Variants in DOCK7 observed in about 807,000 individuals in gnomAD.
DOCK7 encodes dedicator of cytokinesis 7, also known as dedicator of cytokinesis protein 7.
In DOCK7, 138 loss-of-function variants were observed where a neutral mutation model predicts 271.0. The ratio of observed to expected loss-of-function variants is 0.51; its 90% CI spans 0.44 to 0.59. DOCK7 has a LOEUF of 0.59. Ranked by LOEUF, DOCK7 falls within the 20% of genes least tolerant of loss-of-function variation. DOCK7 has a pLI of 0.00. For synonymous variants in DOCK7, 823 were observed against 876.1 expected (o/e 0.94, Z 1.07); for missense variants, 2,066 against 2,592.4 (o/e 0.80, Z 4.41).
intron 1 of DOCK7, among the ~76,000 whole-genome samples, chr1:62,672,373 T>C (rs1259777527): frequency 2.0e-5 from 3 of 152,160 alleles, no homozygotes; most frequent in Non-Finnish European, 2.9e-5. Flanking sequence ...GTGTTACTTT[T>C]GTTATACCTC....
At chr1:62,465,695 G>A (rs967509432) in intron 48 of DOCK7, among the ~76,000 whole-genome samples, 3 of 152,072 alleles carry the variant, frequency 2.0e-5, no homozygotes. Flanking sequence ...GGGATTACAT[G>A]TGTGTGCCAC....
chr1:62,597,391 T>C (rs1649412944), intron 14 of DOCK7: 4 of 620,048 alleles, frequency 6.5e-6, no homozygotes, highest in Admixed American at 3.1e-5. Context: ...TTGATCTAAC[T>C]CAATGTGGAA....
At chr1:62,504,987 G>C (rs1463856823) in intron 36 of DOCK7, among the ~76,000 whole-genome samples, 1 of 152,064 alleles carries the variant, frequency 6.6e-6, no homozygotes, top group Non-Finnish European at 1.5e-5. Context: ...ACTAGTAGTG[G>C]GACCTTGGAC....
At chr1:62,584,599 G>T (rs1647282323) in intron 15 of DOCK7, 9 of 1,251,440 alleles carry the variant, frequency 7.2e-6, no homozygotes, top group Non-Finnish European at 9.0e-6. Flanking sequence ...ATGACATAAA[G>T]CAGACAGTGT....
At chr1:62,663,496 C>T (rs1658922760) in intron 1 of DOCK7, among the ~76,000 whole-genome samples, 1 of 151,908 alleles carries the variant, frequency 6.6e-6, no homozygotes, top group Admixed American at 6.6e-5. Context: ...AAAGTATACA[C>T]TTAAAATGTA....
intron 43 of DOCK7, chr1:62,485,212 A>C (rs1009355766): frequency 1.2e-5 from 12 of 985,310 alleles, no homozygotes; most frequent in African/African-American, 1.7e-5. Flanking sequence ...AATAAAAGTG[A>C]ACACTAAACA....
At position 62,634,821 on chromosome 1, in the gene DOCK7, T is replaced by C. The variant is rs1444629940; in HGVS notation, c.987A>G (p.Ala329=). ...GGGAAGGATAAGTGATAGAAAAAAT[T>C]GCTGATCTTGCCAGGGTAGTAATGG... The part of the protein sequence containing the change: ...PAAITTLARS[A]IFSITYPSQD... The change falls in exon 9 of 50, where the codon GCA becomes GCG. Residue 329 remains alanine, a synonymous_variant. Coordinates refer to ENST00000635253, the MANE Select transcript of DOCK7 (RefSeq NM_001367561.1). The C allele has an allele frequency of 6.2e-7, 1 of 1,613,362 alleles. No individual in the cohort carries two copies. The highest frequency in any genetic ancestry group is 8.5e-7 in the Non-Finnish European group (1 of 1,179,560).
chr1:62,607,277 C>T (rs767628169), intron 14 of DOCK7, among the ~76,000 whole-genome samples: 1 of 152,144 alleles, frequency 6.6e-6, no homozygotes, highest in Non-Finnish European at 1.5e-5. Flanking sequence ...CCTTTATACT[C>T]TTTCACACCA....
chr1:62,476,568 A>G (rs1033672754), intron 44 of DOCK7, among the ~76,000 whole-genome samples: 6 of 152,198 alleles, frequency 3.9e-5, no homozygotes, highest in African/African-American at 7.2e-5. Context: ...GGGTTAATGA[A>G]TAAACATTCA....
intron 42 of DOCK7, 146 bp downstream of exon 42, chr1:62,488,788 C>T: frequency 9.9e-7 from 1 of 1,012,712 alleles, no homozygotes; most frequent in Non-Finnish European, 1.5e-6. Context: ...TTTGCTTTGG[C>T]CATGAACTAT....
chr1:62,477,349 G>T (rs1645996909), intron 44 of DOCK7, among the ~76,000 whole-genome samples: 1 of 152,086 alleles, frequency 6.6e-6, no homozygotes, highest in Admixed American at 6.6e-5. Flanking sequence ...ATTTCTTAGG[G>T]TTCTGGTTCT....
chr1:62,583,813 C>T (rs1011865078), intron 15 of DOCK7, among the ~76,000 whole-genome samples: 4 of 151,844 alleles, frequency 2.6e-5, no homozygotes, highest in Admixed American at 6.6e-5. Flanking sequence ...ATTTTTAATC[C>T]ACCACATTAA....
chr1:62,647,626 T>C (rs1656830046), intron 7 of DOCK7, 65 bp downstream of exon 7: 1 of 1,120,768 alleles, frequency 8.9e-7, no homozygotes, highest in Non-Finnish European at 1.3e-6. Flanking sequence ...TCAGATTTTG[T>C]TACATCACTA....
intron 1 of DOCK7, chr1:62,687,613 T>C (rs1661948037): frequency 6.6e-6 from 1 of 152,264 alleles, no homozygotes; most frequent in Admixed American, 6.5e-5. Context: ...CTTTTCATTC[T>C]GTCCACACGT....
intron 9 of DOCK7, chr1:62,634,506 T>C (rs1038800388): frequency 8.7e-6 from 2 of 230,886 alleles, no homozygotes; most frequent in Admixed American, 5.6e-5. Context: ...CTTCCTGATA[T>C]GAAAATGTAT....
intron 4 of DOCK7, among the ~76,000 whole-genome samples, chr1:62,649,127 T>C (rs779188229): frequency 3.9e-5 from 6 of 152,126 alleles, no homozygotes; most frequent in Non-Finnish European, 8.8e-5. Context: ...CTTAAATTAA[T>C]GCAAGCTTCT....
At chr1:62,667,494 A>C (rs993382239) in intron 1 of DOCK7, among the ~76,000 whole-genome samples, 1 of 152,234 alleles carries the variant, frequency 6.6e-6, no homozygotes, top group Admixed American at 6.5e-5. Context: ...GTTGTATCAG[A>C]GTGTTAGAAC....
chr1:62,661,722 C>G (rs546401678), intron 2 of DOCK7, among the ~76,000 whole-genome samples: 1 of 151,784 alleles, frequency 6.6e-6, no homozygotes, highest in Non-Finnish European at 1.5e-5. Flanking sequence ...GGTACCAGAA[C>G]AAGAAGGCCA....
chr1:62,629,705 A>G (rs1334259563), intron 11 of DOCK7: 1 of 152,204 alleles, frequency 6.6e-6, no homozygotes. Context: ...ACTGCACAGT[A>G]AGTCCTCATT....
Sources: gnomAD v4.1 joint callset for allele counts (sites outside exome capture counted in the v4.1 genomes callset) on GRCh38, gnomAD v4.1.1 for gene constraint, MANE v1.5 for transcripts, NCBI Gene and HGNC (gene_info 2026-07-23, HGNC 2026-07-21) for gene names.